UNC13C: variants seen among roughly 807,000 people sequenced by gnomAD.
UNC13C encodes protein unc-13 homolog C.
UNC13C carries 174 observed loss-of-function variants against 245.4 expected under a neutral mutation model. The observed-to-expected ratio is 0.71, with a 90% confidence interval of 0.63 to 0.80. UNC13C has a LOEUF of 0.80. Among genes scored for constraint, UNC13C ranks in the 30% least tolerant of loss-of-function variants. The pLI, the probability that UNC13C is intolerant of heterozygous loss-of-function variation, is 0.00. For synonymous variants in UNC13C, 992 were observed against 895.1 expected, an observed-to-expected ratio of 1.11 and a Z score of -1.93; for missense variants, 2,829 against 2,602.9, an observed-to-expected ratio of 1.09 and a Z score of -1.89.
chr15:54,059,636 C>A (rs4386087), intron 2 of UNC13C, among the ~76,000 whole-genome samples: 3 of 151,852 alleles, frequency 2.0e-5, no homozygotes, highest in African/African-American at 7.3e-5. Flanking sequence ...CATATGGAAC[C>A]AAAAAAGAGC....
In UNC13C at chr15:54,300,203, C is replaced by T. The variant is rs1423222575; in HGVS notation, c.4105-7C>T. The T allele has an allele frequency of 1.9e-6, 3 of 1,593,648 alleles. No homozygotes were observed. Among genetic ancestry groups the T allele is most frequent in the East Asian group, 2.3e-5 (1 of 44,348 alleles). ...TCACTGAACAATTAAAAACCACTTG[C>T]TTTTAGAATCTGTTCCATTACTTGA... On this transcript the variant is annotated splice_polypyrimidine_tract_variant and splice_region_variant and intron_variant, in intron 12 of 32. Coordinates refer to ENST00000260323, the MANE Select transcript of UNC13C (RefSeq NM_001080534.3).
At chr15:54,587,332 A>G (rs1898546726) in intron 30 of UNC13C, among the ~76,000 whole-genome samples, 1 of 152,246 alleles carries the variant, frequency 6.6e-6, no homozygotes, top group Non-Finnish European at 1.5e-5. Flanking sequence ...TGAAACATTT[A>G]TATGACTGAA....
chr15:54,289,020 A>G (rs2037222710), intron 10 of UNC13C, among the ~76,000 whole-genome samples: 1 of 152,102 alleles, frequency 6.6e-6, no homozygotes, highest in African/African-American at 2.4e-5. Context: ...GAAAAGCCCT[A>G]GGGCAACAAT....
chr15:54,571,782 G>T (rs1477016272), intron 30 of UNC13C, among the ~76,000 whole-genome samples: 2 of 152,142 alleles, frequency 1.3e-5, no homozygotes, highest in Non-Finnish European at 2.9e-5. Flanking sequence ...AATGCCTCAG[G>T]GAGCAGCCCC....
intron 30 of UNC13C, chr15:54,611,602 C>G (rs2141289826): frequency 6.6e-6 from 1 of 152,250 alleles, no homozygotes; most frequent in South Asian, 2.1e-4. Context: ...TTAAACTCTT[C>G]TGGAAAAGTA....
chr15:54,024,556 G>C (rs1475544152), intron 2 of UNC13C, among the ~76,000 whole-genome samples: 1 of 151,180 alleles, frequency 6.6e-6, no homozygotes, highest in Non-Finnish European at 1.5e-5. Flanking sequence ...AAACTGGACA[G>C]AGCTAAATGC....
the UNC13C span, among the ~76,000 whole-genome samples, chr15:53,928,438 A>G: frequency 6.6e-6 from 1 of 152,162 alleles, no homozygotes; most frequent in South Asian, 2.1e-4. Flanking sequence ...CCTTGCCCTC[A>G]TTCCTGTAAA....
At position 54,271,067 on chromosome 15, in the gene UNC13C, T is replaced by G. The variant is rs146810589; in HGVS notation, c.3818+5571T>G. On this transcript the variant is annotated intron_variant, in intron 10 of 32. Transcript: ENST00000260323. ...AATGCTAAATAATTTCAATTTTAAT[T>G]TTATTTATCTTACTTTAAAACAAAG... 7.3e-4 allele frequency among the ~76,000 whole-genome samples: 111 copies of G among 152,306 alleles called. 1 individual carries two copies. The East Asian group carries it at 0.017, about 24-fold the overall frequency.
intron 10 of UNC13C, among the ~76,000 whole-genome samples, chr15:54,293,307 T>G (rs922210766): frequency 4.6e-5 from 7 of 151,946 alleles, no homozygotes; most frequent in Non-Finnish European, 2.9e-5. Context: ...GTAGCTTGCC[T>G]CAACAAAAGA....
intron 10 of UNC13C, among the ~76,000 whole-genome samples, chr15:54,285,494 G>C (rs1054828951): frequency 6.6e-6 from 1 of 152,200 alleles, no homozygotes; most frequent in African/African-American, 2.4e-5. Context: ...TGAAAGTTGA[G>C]TGTCTTATAG....
chr15:54,068,179 A>C (rs1287717866), intron 2 of UNC13C, among the ~76,000 whole-genome samples: 1 of 152,186 alleles, frequency 6.6e-6, no homozygotes, highest in Non-Finnish European at 1.5e-5. Context: ...TAACCTGAAC[A>C]ATTCTATAGC....
At chr15:54,308,591 T>C (rs529499507) in intron 13 of UNC13C, among the ~76,000 whole-genome samples, 2 of 151,974 alleles carry the variant, frequency 1.3e-5, no homozygotes, top group East Asian at 1.9e-4. Context: ...AATAGGCATT[T>C]TGAACTTATA....
rs570341710 is a variant in UNC13C at position 54,345,051 on chromosome 15, C to G, written c.4713+6562C>G. Among the ~76,000 whole-genome samples, 168 of 152,294 alleles carry G rather than the reference C, an allele frequency of 1.1e-3. 1 individual carries two copies. Among genetic ancestry groups the G allele is most frequent in the Middle Eastern group, 3.4e-3 (1 of 294 alleles). On this transcript the variant is annotated intron_variant, in intron 17 of 32. Transcript: ENST00000260323. ...AAATTCAAAGTCCTACAAAACTCCA[C>G]ATGATCTGGCCTATGTTACGCTTCT...
chr15:53,993,341 G>T (rs1327581572), intron 1 of UNC13C, among the ~76,000 whole-genome samples: 1 of 152,068 alleles, frequency 6.6e-6, no homozygotes, highest in Non-Finnish European at 1.5e-5. Context: ...ATTAGTCATT[G>T]GATGTATAAA....
chr15:53,999,632 A>C (rs926147498), intron 1 of UNC13C, among the ~76,000 whole-genome samples: 2 of 151,842 alleles, frequency 1.3e-5, no homozygotes, highest in Non-Finnish European at 2.9e-5. Context: ...TTTTTTTGAC[A>C]GCTTCTAAAG....
intron 24 of UNC13C, among the ~76,000 whole-genome samples, chr15:54,521,061 A>G (rs1057194714): frequency 1.3e-5 from 2 of 152,164 alleles, no homozygotes; most frequent in African/African-American, 2.4e-5. Context: ...GAAAGAGATA[A>G]TTGATGGAAC....
intron 19 of UNC13C, among the ~76,000 whole-genome samples, chr15:54,477,208 G>T (rs1892797895): frequency 8.4e-6 from 1 of 119,628 alleles, no homozygotes; most frequent in African/African-American, 3.3e-5. Flanking sequence ...GAGATTTTGG[G>T]CTGAGACGAT....
At chr15:53,991,653 C>A (rs1353382513) in intron 1 of UNC13C, among the ~76,000 whole-genome samples, 5 of 151,982 alleles carry the variant, frequency 3.3e-5, no homozygotes, top group Non-Finnish European at 2.9e-5. Context: ...CATCTTCTTG[C>A]CTCTAGGAAC....
the UNC13C span, among the ~76,000 whole-genome samples, chr15:53,852,528 G>A: frequency 3.3e-5 from 5 of 152,056 alleles, no homozygotes; most frequent in Non-Finnish European, 7.4e-5. Context: ...TTTCTATAAT[G>A]TTTTCTCTGC....
Sources: allele counts gnomAD v4.1 joint callset (sites outside exome capture counted in the v4.1 genomes callset), GRCh38; gene constraint gnomAD v4.1.1; transcripts MANE v1.5; gene names NCBI Gene and HGNC (gene_info 2026-07-23, HGNC 2026-07-21).